ITPR1: variants seen among roughly 807,000 people sequenced by gnomAD.
ITPR1 encodes inositol 1,4,5-trisphosphate receptor type 1, also known as inositol 1,4,5-trisphosphate-gated calcium channel ITPR1.
Under a neutral mutation model 318.4 loss-of-function variants are expected in ITPR1, and 96 were observed. The observed-to-expected ratio is 0.30, with a 90% CI of 0.26 to 0.36. The LOEUF (loss-of-function observed/expected upper bound fraction) is 0.36. Among genes scored for constraint, ITPR1 ranks in the 10% least tolerant of loss-of-function variants. The pLI, the probability that ITPR1 is intolerant of heterozygous loss-of-function variation, is 1.00. For missense variants in ITPR1, 2,440 were observed against 3,460.2 expected, an observed-to-expected ratio of 0.71 and a Z score of 7.40; for synonymous variants, 1,312 against 1,289.9, an observed-to-expected ratio of 1.02 and a Z score of -0.37.
Position 4,690,986 on chromosome 3 carries a change from G to A in ITPR1, c.3829-158G>A, listed in dbSNP as rs4685801. On this transcript the variant is annotated intron_variant, in intron 31 of 61. Transcript: ENST00000649015. ...TCAATGAAAAAAGCTTACTAAAAAA[G>A]AAGGTAGTACAGAAGCAAGAATGAG... 0.4 allele frequency among the ~76,000 whole-genome samples: 58,848 copies of A among 146,110 alleles called. 14,133 individuals are homozygous for A. Among genetic ancestry groups the A allele is most frequent in the Non-Finnish European group, 0.56 (37,771 of 67,896 alleles).
chr3:4,730,934 C>T (rs72999373), intron 42 of ITPR1, among the ~76,000 whole-genome samples: 1 of 152,262 alleles, frequency 6.6e-6, no homozygotes, highest in Non-Finnish European at 1.5e-5. Flanking sequence ...AGCCATCTAG[C>T]GCTCAAACAA....
intron 44 of ITPR1, chr3:4,749,663 A>C (rs1251872609): frequency 6.6e-6 from 1 of 152,278 alleles, no homozygotes; most frequent in Non-Finnish European, 1.5e-5. Flanking sequence ...TATTGACACC[A>C]AGGGCATTGA....
chr3:4,731,754 A>G (rs1575051310), intron 42 of ITPR1, among the ~76,000 whole-genome samples: 1 of 152,220 alleles, frequency 6.6e-6, no homozygotes, highest in East Asian at 1.9e-4. Flanking sequence ...CACTTCTCCC[A>G]GGGTGCCTCA....
At chr3:4,735,127 G>T in intron 43 of ITPR1, 37 bp from the exon 44 acceptor site, 3 of 1,543,780 alleles carry the variant, frequency 1.9e-6, no homozygotes, top group Non-Finnish European at 2.7e-6. Context: ...TAGCTGTTCT[G>T]ATTGTGCTTA....
In ITPR1 at chr3:4,818,194, C is replaced by T. The variant is rs375633303; in HGVS notation, c.7980C>T (p.Asp2660=). The T allele has an allele frequency of 1.4e-5, 22 of 1,598,994 alleles. No individual in the cohort carries two copies. In the African/African-American group the frequency reaches 2.1e-4, roughly 16 times the overall value. The part of the protein sequence containing the change: ...LCFIVLVKVK[D]STEYTGPESY... The stretch of plus-strand genomic sequence containing the variant: ...TCATCGTCCTGGTGAAAGTAAAGGA[C>T]TCCACCGAATATACTGGGCCTGAGA... The change falls in exon 60 of 62, where the codon GAC becomes GAT. Residue 2660 remains aspartate (D), a synonymous_variant. Coordinates refer to ENST00000649015, the MANE Select transcript of ITPR1 (RefSeq NM_001378452.1).
chr3:4,521,681 C>T (rs2082579565), intron 4 of ITPR1, among the ~76,000 whole-genome samples: 1 of 152,094 alleles, frequency 6.6e-6, no homozygotes, highest in Non-Finnish European at 1.5e-5. Flanking sequence ...CCAGCCTGGG[C>T]AACATGGTGA....
intron 4 of ITPR1, among the ~76,000 whole-genome samples, chr3:4,608,329 G>T (rs2091845203): frequency 6.6e-6 from 1 of 152,258 alleles, no homozygotes; most frequent in East Asian, 1.9e-4. Context: ...AGGCAGAGGT[G>T]TCAAGTGTAG....
intron 4 of ITPR1, among the ~76,000 whole-genome samples, chr3:4,545,691 C>CAT: frequency 1.9e-5 from 2 of 103,382 alleles, no homozygotes; most frequent in African/African-American, 7.3e-5. Context: ...AGTATGCAAA[C>CAT]TTTTTTTTTT....
intron 2 of ITPR1, among the ~76,000 whole-genome samples, chr3:4,497,718 T>A (rs756059810): frequency 6.6e-6 from 1 of 152,218 alleles, no homozygotes; most frequent in African/African-American, 2.4e-5. Flanking sequence ...GTATATACTT[T>A]AAAAAATTGA....
At chr3:4,713,716 A>G (rs2041552086) in intron 39 of ITPR1, among the ~76,000 whole-genome samples, 1 of 152,230 alleles carries the variant, frequency 6.6e-6, no homozygotes, top group Admixed American at 6.5e-5. Flanking sequence ...AGAGTAAATT[A>G]TATCACAGTT....
At chr3:4,727,415 G>A (rs914185741) in intron 42 of ITPR1, among the ~76,000 whole-genome samples, 10 of 152,038 alleles carry the variant, frequency 6.6e-5, no homozygotes, top group Non-Finnish European at 1.5e-4. Flanking sequence ...AACTTTTCAT[G>A]TCCTTTTTTC....
At chr3:4,768,790 G>A (rs112927833) in intron 46 of ITPR1, 26 bp downstream of exon 46, 5 of 1,591,224 alleles carry the variant, frequency 3.1e-6, no homozygotes, top group Non-Finnish European at 2.6e-6. Context: ...TGGGGGCGTG[G>A]AGGGAGCTCG....
At position 4,632,402 on chromosome 3, in the gene ITPR1, C is replaced by T. The variant is rs185427547; in HGVS notation, c.279+4524C>T. Among the ~76,000 whole-genome samples, 11 of 152,252 alleles carry T rather than the reference C, an allele frequency of 7.2e-5. No individual in the cohort carries two copies. The East Asian group carries it at 9.6e-4, about 13-fold the overall frequency. ...TCCTCTTGGCCATACGGGAAATCAA[C>T]AGGAATAAAGTGGGCTTGGTGGGTA... On this transcript the variant is annotated intron_variant, in intron 5 of 61. Coordinates refer to ENST00000649015, the MANE Select transcript of ITPR1 (RefSeq NM_001378452.1).
At chr3:4,527,864 A>T (rs1470107194) in intron 4 of ITPR1, among the ~76,000 whole-genome samples, 1 of 152,104 alleles carries the variant, frequency 6.6e-6, no homozygotes, top group Non-Finnish European at 1.5e-5. Flanking sequence ...TTTTAGTAGC[A>T]TGCTGGTGGA....
At chr3:4,637,290 C>T (rs1043378026) in intron 5 of ITPR1, among the ~76,000 whole-genome samples, 10 of 152,192 alleles carry the variant, frequency 6.6e-5, no homozygotes, top group African/African-American at 1.9e-4. Context: ...AATGGCTCTC[C>T]GCAAAGAATA....
intron 54 of ITPR1, among the ~76,000 whole-genome samples, chr3:4,800,874 G>A (rs1239973958): frequency 6.6e-6 from 1 of 152,228 alleles, no homozygotes; most frequent in Non-Finnish European, 1.5e-5. Flanking sequence ...AAAAGTGGTA[G>A]TGCTTTGAGA....
intron 61 of ITPR1, among the ~76,000 whole-genome samples, 192 bp from the exon 62 acceptor site, chr3:4,845,947 A>G (rs2051742471): frequency 1.3e-5 from 2 of 152,236 alleles, no homozygotes; most frequent in Admixed American, 6.5e-5. Context: ...TGACTAGGTC[A>G]CAGAATTTCC....
chr3:4,577,825 C>T (rs769513145), intron 4 of ITPR1, among the ~76,000 whole-genome samples: 9 of 152,166 alleles, frequency 5.9e-5, no homozygotes, highest in East Asian at 3.9e-4. Context: ...GTGTGACAAA[C>T]GTGATAAAGG....
chr3:4,796,630 C>T (rs778829100), intron 53 of ITPR1, among the ~76,000 whole-genome samples: 5 of 152,146 alleles, frequency 3.3e-5, no homozygotes, highest in East Asian at 1.9e-4. Context: ...TTTTCTTCAC[C>T]GGTCATTTGT....
Sources: gnomAD v4.1 joint callset for allele counts (sites outside exome capture counted in the v4.1 genomes callset) on GRCh38, gnomAD v4.1.1 for gene constraint, MANE v1.5 for transcripts, NCBI Gene and HGNC (gene_info 2026-07-23, HGNC 2026-07-21) for gene names.